RSRC1: variants seen among roughly 807,000 people sequenced by gnomAD.
RSRC1 encodes the protein serine/Arginine-related protein 53.
A neutral mutation model predicts 49.1 loss-of-function variants in RSRC1; 39 were observed. The ratio of observed to expected loss-of-function variants is 0.79; its 90% confidence interval spans 0.61 to 1.04. The LOEUF is 1.04. RSRC1 is among the 50% of genes least tolerant of loss of function. The pLI is 0.00. For synonymous variants in RSRC1, 143 were observed against 130.8 expected, an observed-to-expected ratio of 1.09 and a Z score of -0.63; for missense variants, 388 against 402.4, an observed-to-expected ratio of 0.96 and a Z score of 0.31.
At chr3:158,422,548 G>A (rs1482310778) in intron 6 of RSRC1, among the ~76,000 whole-genome samples, 2 of 151,206 alleles carry the variant, frequency 1.3e-5, no homozygotes, top group Admixed American at 1.3e-4. Flanking sequence ...GTGTGCATGT[G>A]TCTTTATAGC....
intron 6 of RSRC1, among the ~76,000 whole-genome samples, chr3:158,448,788 G>A (rs981936798): frequency 7.2e-5 from 11 of 151,848 alleles, no homozygotes; most frequent in Non-Finnish European, 1.5e-4. Context: ...GTAAATCTTT[G>A]CTAGTTTGGG....
chr3:158,465,058 G>T (rs1737811744), intron 7 of RSRC1, among the ~76,000 whole-genome samples: 1 of 152,054 alleles, frequency 6.6e-6, no homozygotes. Context: ...AAGTTTTCCT[G>T]TCCTAACTTA....
chr3:158,416,540 A>G (rs569531980), intron 6 of RSRC1, among the ~76,000 whole-genome samples: 1 of 152,140 alleles, frequency 6.6e-6, no homozygotes, highest in South Asian at 2.1e-4. Context: ...TCCCCAACTG[A>G]CAGCCAACAG....
intron 7 of RSRC1, among the ~76,000 whole-genome samples, chr3:158,509,130 G>A (rs190241544): frequency 6.6e-6 from 1 of 152,224 alleles, no homozygotes; most frequent in African/African-American, 2.4e-5. Flanking sequence ...TATAGTTTTA[G>A]GTTTTATATT....
At chr3:158,277,958 G>T (rs1725910331) in intron 4 of RSRC1, among the ~76,000 whole-genome samples, 1 of 152,162 alleles carries the variant, frequency 6.6e-6, no homozygotes, top group African/African-American at 2.4e-5. Context: ...CACCTAAGGA[G>T]CATTTTTATG....
chr3:158,293,904 T>C (rs1198572871), intron 4 of RSRC1, among the ~76,000 whole-genome samples: 1 of 152,118 alleles, frequency 6.6e-6, no homozygotes, highest in Non-Finnish European at 1.5e-5. Flanking sequence ...ATCAGTGATA[T>C]TCTTCCTTTG....
intron 3 of RSRC1, chr3:158,132,149 A>G (rs1016631237): frequency 5.8e-5 from 26 of 449,230 alleles, no homozygotes; most frequent in African/African-American, 5.0e-4. Context: ...ACACCCAACT[A>G]TGATTTTTGT....
intron 7 of RSRC1, among the ~76,000 whole-genome samples, chr3:158,492,559 T>C (rs147467584): frequency 0.013 from 1,965 of 152,224 alleles, 27 homozygotes; most frequent in Non-Finnish European, 0.019. Context: ...GGCTGGGAGG[T>C]GGAGAAATTC....
chr3:158,331,274 T>C (rs1349661322), intron 5 of RSRC1, among the ~76,000 whole-genome samples: 1 of 152,252 alleles, frequency 6.6e-6, no homozygotes, highest in African/African-American at 2.4e-5. Context: ...AATGGCATAG[T>C]GAATTCTACA....
At chr3:158,303,640 CAT>C (rs1333467564) in intron 5 of RSRC1, 4 of 152,174 alleles carry the variant, frequency 2.6e-5, no homozygotes, top group African/African-American at 9.7e-5. Flanking sequence ...AATTGAAAGA[CAT>C]GTGTCCAATG....
intron 7 of RSRC1, among the ~76,000 whole-genome samples, chr3:158,472,219 A>G (rs1350266967): frequency 6.6e-6 from 1 of 152,130 alleles, no homozygotes; most frequent in African/African-American, 2.4e-5. Flanking sequence ...AGAACTTTGC[A>G]GGTCAGAAGT....
chr3:158,118,465 G>GCGCA, intron 1 of RSRC1, among the ~76,000 whole-genome samples: 1 of 139,336 alleles, frequency 7.2e-6, no homozygotes, highest in African/African-American at 3.1e-5. Context: ...GTGTGTGTGC[G>GCGCA]CGTGCGCGTG....
At chr3:158,329,492 T>G (rs966845465) in intron 5 of RSRC1, among the ~76,000 whole-genome samples, 10 of 152,240 alleles carry the variant, frequency 6.6e-5, no homozygotes, top group African/African-American at 2.4e-4. Context: ...TGGCGTTTGC[T>G]GGAGGTCCAC....
intron 5 of RSRC1, among the ~76,000 whole-genome samples, chr3:158,353,051 T>C (rs77373188): frequency 0.016 from 2,414 of 152,340 alleles, 85 homozygotes; most frequent in African/African-American, 0.055. Flanking sequence ...TAAAGTAGTC[T>C]TTATTGGTTG....
At chr3:158,157,818 G>A (rs1019119046) in intron 3 of RSRC1, among the ~76,000 whole-genome samples, 13 of 152,096 alleles carry the variant, frequency 8.5e-5, no homozygotes, top group Admixed American at 7.2e-4. Context: ...GGGAGGCTGA[G>A]GCAGGAGAAT....
intron 3 of RSRC1, among the ~76,000 whole-genome samples, chr3:158,196,746 G>T (rs1172132622): frequency 6.6e-6 from 1 of 152,168 alleles, no homozygotes; most frequent in East Asian, 1.9e-4. Context: ...TTTTCTGTGT[G>T]TATTGAGATA....
At chr3:158,115,177 A>G (rs186158809) in intron 1 of RSRC1, among the ~76,000 whole-genome samples, 2 of 152,154 alleles carry the variant, frequency 1.3e-5, no homozygotes, top group Admixed American at 1.3e-4. Flanking sequence ...GTTCCAAGGA[A>G]GGACTTTTGT....
At chr3:158,540,058 C>T (rs1053487507) in intron 8 of RSRC1, among the ~76,000 whole-genome samples, 1 of 152,150 alleles carries the variant, frequency 6.6e-6, no homozygotes, top group African/African-American at 2.4e-5. Context: ...TTACAGTCCC[C>T]GTAAGGCAGT....
At chr3:158,299,265 C>A (rs926796357) in intron 5 of RSRC1, among the ~76,000 whole-genome samples, 2 of 152,046 alleles carry the variant, frequency 1.3e-5, no homozygotes, top group Admixed American at 1.3e-4. Context: ...TAGGGGCTTA[C>A]AACAAGGAAG....
Sources: gnomAD v4.1 joint callset for allele counts (sites outside exome capture counted in the v4.1 genomes callset) on GRCh38, gnomAD v4.1.1 for gene constraint, MANE v1.5 for transcripts, NCBI Gene and HGNC (gene_info 2026-07-23, HGNC 2026-07-21) for gene names.